Variants in TSEN2 observed in about 807,000 individuals in gnomAD.
TSEN2 encodes tRNA-splicing endonuclease subunit Sen2.
TSEN2 carries 54 observed loss-of-function variants against 59.2 expected under a neutral mutation model. The ratio of observed to expected loss-of-function variants is 0.91; its 90% CI spans 0.73 to 1.14. The LOEUF (loss-of-function observed/expected upper bound fraction) is 1.14. Among genes scored for constraint, TSEN2 ranks in the 50% most tolerant of loss-of-function variants. The pLI, the probability that TSEN2 is intolerant of heterozygous loss-of-function variation, is 0.00. For missense variants in TSEN2, 636 were observed against 576.2 expected, an observed-to-expected ratio of 1.10 and a Z score of -1.06; for synonymous variants, 195 against 198.2, an observed-to-expected ratio of 0.98 and a Z score of 0.14.
rs1173156244 is a variant in TSEN2, at chr3:12,503,328, G to A, written c.375G>A (p.Val125=). 2.5e-6 allele frequency: 4 copies of A among 1,614,096 alleles called. No individual in the cohort carries two copies. The highest frequency in any genetic ancestry group is 3.4e-6 in the Non-Finnish European group (4 of 1,180,052). ...GACAGGGGCAGGATGAGAGTACAGT[G>A]CGCAGAATCCTCAAGGATTACACGA... The part of the protein sequence containing the change: ...MRRQGQDEST[V]RRILKDYTKP... Residue 125 remains valine, a synonymous_variant, in exon 5 of 12, where the codon GTG becomes GTA. Coordinates refer to ENST00000284995, the MANE Select transcript of TSEN2 (RefSeq NM_025265.4).
chr3:12,527,706 A>T (rs886353918), intron 8 of TSEN2, among the ~76,000 whole-genome samples: 1 of 152,144 alleles, frequency 6.6e-6, no homozygotes. Flanking sequence ...GTGAAATCCA[A>T]CACGGCTGTC....
chr3:12,488,074 T>C (rs2052810779), intron 1 of TSEN2, among the ~76,000 whole-genome samples: 1 of 152,226 alleles, frequency 6.6e-6, no homozygotes, highest in Non-Finnish European at 1.5e-5. Flanking sequence ...CCTCAGCTTC[T>C]TCCTTGAGAA....
At chr3:12,530,038 C>T (rs1330173927) in intron 10 of TSEN2, 165 bp downstream of exon 10, 9 of 1,447,794 alleles carry the variant, frequency 6.2e-6, no homozygotes, top group East Asian at 5.0e-5. Flanking sequence ...TCCCTTATTG[C>T]GCTAGAAGTT....
intron 1 of TSEN2, among the ~76,000 whole-genome samples, chr3:12,487,056 GGT>G (rs2052691508): frequency 6.6e-6 from 1 of 152,142 alleles, no homozygotes; most frequent in African/African-American, 2.4e-5. Context: ...TATACCTAGG[GGT>G]GGAGTTGCTG....
downstream of TSEN2, among the ~76,000 whole-genome samples, chr3:12,534,803 C>CAAAAAA (rs34727253): frequency 1.4e-5 from 1 of 69,016 alleles, no homozygotes; most frequent in Non-Finnish European, 3.1e-5. Context: ...GACTCTGTCT[C>CAAAAAA]AAAAAAAAAA....
At chr3:12,488,206 G>A (rs1047892366) in intron 1 of TSEN2, among the ~76,000 whole-genome samples, 1 of 152,192 alleles carries the variant, frequency 6.6e-6, no homozygotes, top group Non-Finnish European at 1.5e-5. Context: ...CAGGCTTGAT[G>A]GCATCCCTTG....
At chr3:12,510,789 A>T (rs1055678382) in intron 6 of TSEN2, among the ~76,000 whole-genome samples, 5 of 152,168 alleles carry the variant, frequency 3.3e-5, no homozygotes, top group Admixed American at 1.3e-4. Context: ...CCTCCCCTGC[A>T]ATAGGTCAGT....
intron 1 of TSEN2, among the ~76,000 whole-genome samples, chr3:12,487,977 C>A (rs752932808): frequency 2.0e-5 from 3 of 152,142 alleles, no homozygotes; most frequent in Non-Finnish European, 4.4e-5. Context: ...CTTCCCGATT[C>A]TTCTTTTTCA....
intron 3 of TSEN2, among the ~76,000 whole-genome samples, chr3:12,493,466 C>T (rs2053433526): frequency 6.6e-6 from 1 of 152,192 alleles, no homozygotes; most frequent in Admixed American, 6.5e-5. Context: ...CGGTAGCTCA[C>T]GCCTGTAATC....
chr3:12,531,746 G>T, intron 11 of TSEN2, 87 bp downstream of exon 11: 2 of 932,474 alleles, frequency 2.1e-6, no homozygotes, highest in Non-Finnish European at 1.7e-6. Flanking sequence ...GAAAATACAT[G>T]AATACAGTTT....
intron 6 of TSEN2, chr3:12,514,583 T>G (rs1454886779): frequency 6.6e-6 from 1 of 152,166 alleles, no homozygotes; most frequent in African/African-American, 2.4e-5. Flanking sequence ...TCTCCAGAAA[T>G]GCTCTAGATT....
At chr3:12,489,060 T>C (rs1051765046) in intron 1 of TSEN2, among the ~76,000 whole-genome samples, 1 of 152,162 alleles carries the variant, frequency 6.6e-6, no homozygotes, top group African/African-American at 2.4e-5. Context: ...GTCGTTCTTA[T>C]CTTGATTTTG....
In TSEN2 at chr3:12,489,842, A is replaced by G; in HGVS notation, c.42A>G (p.Arg14=). 1 of 1,613,996 alleles carries G rather than the reference A, an allele frequency of 6.2e-7. No homozygotes were observed. The stretch of plus-strand genomic sequence containing the variant: ...TCCATGCCCCAAAGAGGAAAAGAAG[A>G]GTGTATGAGACTTACGAGTCTCCAT... ...AVFHAPKRKR[R]VYETYESPLP... is the part of the protein sequence containing the mutation. The change falls in exon 2 of 12, where the codon AGA becomes AGG. Residue 14 remains arginine, a synonymous_variant. Coordinates refer to ENST00000284995, the MANE Select transcript of TSEN2 (RefSeq NM_025265.4).
upstream of TSEN2, among the ~76,000 whole-genome samples, chr3:12,484,150 T>C (rs2052341694): frequency 6.6e-6 from 1 of 152,236 alleles, no homozygotes; most frequent in African/African-American, 2.4e-5. Flanking sequence ...GTCGGTCGCC[T>C]CAAACATCCC....
chr3:12,488,804 C>T (rs1188971829), intron 1 of TSEN2, among the ~76,000 whole-genome samples: 1 of 152,208 alleles, frequency 6.6e-6, no homozygotes, highest in Non-Finnish European at 1.5e-5. Flanking sequence ...TAGATAGACC[C>T]TGCCTGTGCT....
intron 6 of TSEN2, among the ~76,000 whole-genome samples, chr3:12,507,760 G>T (rs1225581726): frequency 6.6e-6 from 1 of 152,170 alleles, no homozygotes; most frequent in African/African-American, 2.4e-5. Flanking sequence ...CGCTCTTCCT[G>T]TTTCCTTGGG....
At chr3:12,480,538 T>G (rs1339673440), upstream of TSEN2, among the ~76,000 whole-genome samples, 65 of 142,644 alleles carry the variant, frequency 4.6e-4, 1 homozygote, top group African/African-American at 8.1e-4. Flanking sequence ...GTTTTTTTTT[T>G]TTTTTTTTTT....
At chr3:12,504,684 A>C (rs1342493082) in intron 5 of TSEN2, among the ~76,000 whole-genome samples, 1 of 152,278 alleles carries the variant, frequency 6.6e-6, no homozygotes, top group Non-Finnish European at 1.5e-5. Flanking sequence ...GAGAATCTTC[A>C]TAGTGAAAAA....
At chr3:12,524,589 C>T (rs2056927197) in intron 8 of TSEN2, among the ~76,000 whole-genome samples, 1 of 152,110 alleles carries the variant, frequency 6.6e-6, no homozygotes. Flanking sequence ...AGGATGATCT[C>T]ATCTCAAAAT....
Sources: allele counts gnomAD v4.1 joint callset (sites outside exome capture counted in the v4.1 genomes callset), GRCh38; gene constraint gnomAD v4.1.1; transcripts MANE v1.5; gene names NCBI Gene and HGNC (gene_info 2026-07-23, HGNC 2026-07-21).